The following EPS15 variants were observed in gnomAD, a reference collection of about 807,000 sequenced individuals.
The protein encoded by EPS15 is epidermal growth factor receptor pathway substrate 15.
Under a neutral mutation model 113.8 loss-of-function variants are expected in EPS15, and 72 were observed. The observed-to-expected ratio is 0.63, with a 90% CI of 0.52 to 0.77. The LOEUF (loss-of-function observed/expected upper bound fraction) is 0.77, where lower values mean the gene tolerates loss of function less well. Ranked by LOEUF, EPS15 falls within the 30% of genes least tolerant of loss-of-function variation. The pLI is 0.00. For synonymous variants in EPS15, 344 were observed against 363.4 expected (o/e 0.95, Z 0.61); for missense variants, 1,048 against 1,045.8 (o/e 1.00, Z -0.03).
intron 21 of EPS15, among the ~76,000 whole-genome samples, chr1:51,389,723 A>C (rs141475991): frequency 0.031 from 4,770 of 152,334 alleles, 53 homozygotes; most frequent in Non-Finnish European, 0.049. Context: ...CAATTGCTTC[A>C]AAGAGAATAA....
chr1:51,481,296 C>A lies in EPS15; in HGVS notation c.52G>T (p.Val18Leu). 1 of 1,362,642 alleles carries A rather than the reference C, an allele frequency of 7.3e-7. No homozygotes were observed. Among genetic ancestry groups the A allele is most frequent in the East Asian group, 2.3e-5 (1 of 43,268 alleles). The allele number at this position is 1,362,642 out of a possible 1,614,324, so 84.4% of individuals were successfully genotyped here. A position where few individuals can be genotyped will look rare whatever the true frequency, so the allele number is the denominator to read the frequency against. Residue 18 changes from valine (V) to leucine (L), a missense_variant, in exon 2 of 25, where the codon GTA becomes TTA. Coordinates refer to ENST00000371733, the MANE Select transcript of EPS15 (RefSeq NM_001981.3). ...ACCTGTCTATAGTATTTTTCATATA[C>A]AGGATTCCCACTTGATAACTGAAAT... ...SLTQLSSGNPVYEKYYRQVDT... is the reference protein window; with the variant it reads ...SLTQLSSGNPLYEKYYRQVDT...
At chr1:51,378,192 C>T (rs1202800170) in intron 21 of EPS15, among the ~76,000 whole-genome samples, 2 of 146,206 alleles carry the variant, frequency 1.4e-5, no homozygotes, top group Non-Finnish European at 1.5e-5. Context: ...CCACTGTGCC[C>T]GATCATTAGC....
At chr1:51,423,446 C>T (rs534443764) in intron 12 of EPS15, 19 of 985,258 alleles carry the variant, frequency 1.9e-5, no homozygotes, top group Non-Finnish European at 2.3e-5. Flanking sequence ...AATTTTCTTT[C>T]CTCCTTATGT....
intron 15 of EPS15, among the ~76,000 whole-genome samples, chr1:51,407,312 C>T (rs576198716): frequency 1.8e-4 from 27 of 152,214 alleles, no homozygotes; most frequent in Non-Finnish European, 3.1e-4. Flanking sequence ...ATTCTCGTGC[C>T]TCAGCCTCCC....
At chr1:51,504,955 T>C (rs903869711) in intron 1 of EPS15, among the ~76,000 whole-genome samples, 2 of 152,100 alleles carry the variant, frequency 1.3e-5, no homozygotes, top group African/African-American at 4.8e-5. Context: ...ACCCTGTCTC[T>C]ACTAAAAATA....
chr1:51,386,134 G>C (rs1404744425), intron 21 of EPS15, among the ~76,000 whole-genome samples: 1 of 152,196 alleles, frequency 6.6e-6, no homozygotes, highest in East Asian at 1.9e-4. Flanking sequence ...TCTCTGAGAA[G>C]AGCAGCTGGC....
At chr1:51,446,704 C>T (rs1281777438) in intron 10 of EPS15, among the ~76,000 whole-genome samples, 1 of 152,164 alleles carries the variant, frequency 6.6e-6, no homozygotes, top group African/African-American at 2.4e-5. Flanking sequence ...ATCCACCCAC[C>T]TCGGCCTCCC....
chr1:51,461,918 T>TA (rs980298680), intron 7 of EPS15: 2 of 152,194 alleles, frequency 1.3e-5, no homozygotes, highest in Non-Finnish European at 2.9e-5. Context: ...ATTATCACAT[T>TA]CAATCACTAC....
chr1:51,445,091 A>G (rs772944097), intron 10 of EPS15, 46 bp from the exon 11 acceptor site: 1 of 1,546,010 alleles, frequency 6.5e-7, no homozygotes, highest in Non-Finnish European at 8.8e-7. Context: ...CCACAACTGC[A>G]AAAAGTCCAG....
intron 1 of EPS15, among the ~76,000 whole-genome samples, chr1:51,506,898 T>C (rs1489444433): frequency 6.6e-6 from 1 of 151,820 alleles, no homozygotes. Context: ...AAACTGTATA[T>C]ACAAACTGAA....
At chr1:51,418,758 T>C (rs1650481122) in intron 13 of EPS15, among the ~76,000 whole-genome samples, 1 of 152,198 alleles carries the variant, frequency 6.6e-6, no homozygotes, top group African/African-American at 2.4e-5. Context: ...GGCACTTTAC[T>C]GCATTATCTC....
rs200324312 is a variant in EPS15, at chr1:51,444,900, T to G, written c.943A>C (p.Ser315Arg). Residue 315 changes from serine (S) to arginine (R), a missense_variant, in exon 11 of 25, where the codon AGT (serine) becomes CGT (arginine). Ser to Arg is a moderately radical substitution (Grantham distance 110, BLOSUM62 -1). Coordinates refer to ENST00000371733, the MANE Select transcript of EPS15 (RefSeq NM_001981.3). The stretch of plus-strand genomic sequence containing the variant: ...TTAAGCTTTCTTACCTTTTGTAAAC[T>G]GGCCCTGTCTGATGGTGGAATCATT... Reference protein sequence around the residue: ...PEMIPPSDRASLQKNIIGSSP... With the variant: ...PEMIPPSDRARLQKNIIGSSP... The G allele has an allele frequency of 1.7e-4, 272 of 1,613,550 alleles. 1 individual carries two copies. In the East Asian group the frequency reaches 6.0e-3, roughly 36 times the overall value.
intron 4 of EPS15, among the ~76,000 whole-genome samples, chr1:51,469,248 A>G (rs1377856436): frequency 6.6e-6 from 1 of 152,196 alleles, no homozygotes; most frequent in Non-Finnish European, 1.5e-5. Flanking sequence ...AATACCTAAA[A>G]TGTTATGAAA....
rs79278604 is a variant in EPS15, at chr1:51,472,870, T to C, written c.154A>G (p.Ile52Val). 168 of 1,612,018 alleles carry C rather than the reference T, an allele frequency of 1.0e-4. No homozygotes were observed. The East Asian group carries it at 3.6e-3, about 35-fold the overall frequency. Reference protein sequence around the residue: ...FLKKSGLPDLILGKIWDLADT... With the variant: ...FLKKSGLPDLVLGKIWDLADT... Reference sequence around the variant, plus strand: ...TGAACGAATACTACCTTTCCAAGTATCAAGTCTGGAAGCCCTGATTTTTTC... The same window carrying C: ...TGAACGAATACTACCTTTCCAAGTACCAAGTCTGGAAGCCCTGATTTTTTC... The change falls in exon 3 of 25, where the codon ATA becomes GTA. Residue 52 changes from isoleucine to valine, a missense_variant. Coordinates refer to ENST00000371733, the MANE Select transcript of EPS15 (RefSeq NM_001981.3).
intron 21 of EPS15, among the ~76,000 whole-genome samples, chr1:51,392,216 A>G (rs780199694): frequency 3.3e-5 from 5 of 152,342 alleles, no homozygotes; most frequent in African/African-American, 4.8e-5. Context: ...CTACTACTTT[A>G]ACCTTCTGAA....
intron 1 of EPS15, among the ~76,000 whole-genome samples, chr1:51,497,560 T>A (rs551548460): frequency 6.6e-6 from 1 of 152,230 alleles, no homozygotes; most frequent in Non-Finnish European, 1.5e-5. Context: ...GCAAGGCAGC[T>A]TGAATAGGCC....
chr1:51,382,441 C>CA, intron 21 of EPS15: 1 of 133,608 alleles, frequency 7.5e-6, no homozygotes, highest in Admixed American at 8.1e-5. Flanking sequence ...TTTTTTGAGA[C>CA]AGAGTCTCGC....
chr1:51,434,942 G>GA (rs1270229727), intron 12 of EPS15, among the ~76,000 whole-genome samples: 1 of 152,028 alleles, frequency 6.6e-6, no homozygotes, highest in Admixed American at 6.5e-5. Flanking sequence ...AAAGTGCTGG[G>GA]ATTACAGGCA....
At chr1:51,416,079 G>A (rs1650194234) in intron 13 of EPS15, among the ~76,000 whole-genome samples, 1 of 152,040 alleles carries the variant, frequency 6.6e-6, no homozygotes, top group African/African-American at 2.4e-5. Context: ...GGCAACAGAT[G>A]TACCTCTCTC....
Sources: allele counts gnomAD v4.1 joint callset (sites outside exome capture counted in the v4.1 genomes callset), GRCh38; gene constraint gnomAD v4.1.1; transcripts MANE v1.5; gene names NCBI Gene and HGNC (gene_info 2026-07-23, HGNC 2026-07-21).